The following PTPRQ variants were observed in gnomAD, a reference collection of about 807,000 sequenced individuals.
PTPRQ encodes the protein protein tyrosine phosphatase receptor type Q.
A neutral mutation model predicts 246.0 loss-of-function variants in PTPRQ; 199 were observed. That is an observed-to-expected ratio of 0.81 (90% CI 0.72 to 0.91). The LOEUF (loss-of-function observed/expected upper bound fraction) is 0.91, where lower values mean the gene tolerates loss of function less well. Ranked by LOEUF, PTPRQ falls within the 40% of genes least tolerant of loss-of-function variation. PTPRQ has a pLI of 0.00. For synonymous variants in PTPRQ, 869 were observed against 853.2 expected, an observed-to-expected ratio of 1.02 and a Z score of -0.32; for missense variants, 2,624 against 2,528.4, an observed-to-expected ratio of 1.04 and a Z score of -0.81.
chr12:80,471,155 A>G (rs765483453), intron 7 of PTPRQ, among the ~76,000 whole-genome samples: 2 of 152,094 alleles, frequency 1.3e-5, no homozygotes, highest in Non-Finnish European at 2.9e-5. Flanking sequence ...GTGGGCTTTT[A>G]TAAGGAGGGA....
chr12:80,649,700 A>G lies in PTPRQ; in HGVS notation c.6024+31A>G, dbSNP rs775077087. On this transcript the variant is annotated intron_variant, in intron 37 of 44. Coordinates refer to ENST00000644991, the MANE Select transcript of PTPRQ (RefSeq NM_001145026.2). ...TTACTAGCAGTTGTCACAACATTGC[A>G]AGACCTCCAGTCGTTTCATGTGTCA... 13 of 1,534,760 alleles carry G rather than the reference A, an allele frequency of 8.5e-6. No individual in the cohort carries two copies. In the South Asian group the frequency reaches 1.5e-4, roughly 18 times the overall value.
chr12:80,491,237 G>T (rs1894440123), intron 9 of PTPRQ, among the ~76,000 whole-genome samples: 1 of 151,906 alleles, frequency 6.6e-6, no homozygotes, highest in Non-Finnish European at 1.5e-5. Context: ...AGTTGAGGGG[G>T]AAATTCTTTG....
At chr12:80,499,474 G>A (rs1272081789) in intron 14 of PTPRQ, among the ~76,000 whole-genome samples, 1 of 151,914 alleles carries the variant, frequency 6.6e-6, no homozygotes, top group South Asian at 2.1e-4. Flanking sequence ...GTCATTTGAA[G>A]CAAGATGAGC....
intron 9 of PTPRQ, 149 bp from the exon 10 acceptor site, chr12:80,493,126 T>G (rs563550989): frequency 1.2e-6 from 1 of 825,454 alleles, no homozygotes; most frequent in African/African-American, 1.8e-5. Context: ...AATGAAATTT[T>G]GGAATCTAAA....
intron 33 of PTPRQ, among the ~76,000 whole-genome samples, chr12:80,623,704 G>C (rs1421816351): frequency 6.6e-6 from 1 of 152,156 alleles, no homozygotes; most frequent in Non-Finnish European, 1.5e-5. Context: ...AGCTAGCCTT[G>C]CTGTATTGTA....
chr12:80,485,830 A>T (rs1204245230), intron 9 of PTPRQ, among the ~76,000 whole-genome samples: 8 of 152,064 alleles, frequency 5.3e-5, no homozygotes, highest in Non-Finnish European at 7.4e-5. Context: ...ACATCTGTTG[A>T]ATGGGTGGCC....
At chr12:80,462,406 C>G (rs1282349725) in intron 6 of PTPRQ, 1 of 183,098 alleles carries the variant, frequency 5.5e-6, no homozygotes, top group African/African-American at 2.4e-5. Context: ...GGAGGCCTGC[C>G]TGCCTCTGTA....
At chr12:80,591,132 T>A (rs1295236242) in intron 26 of PTPRQ, among the ~76,000 whole-genome samples, 1 of 145,910 alleles carries the variant, frequency 6.9e-6, no homozygotes, top group East Asian at 2.0e-4. Flanking sequence ...TTTTTTTTTT[T>A]TTTTTTTTTT....
At chr12:80,547,507 A>G (rs1340097055) in intron 24 of PTPRQ, among the ~76,000 whole-genome samples, 2 of 152,130 alleles carry the variant, frequency 1.3e-5, no homozygotes, top group East Asian at 3.8e-4. Flanking sequence ...TGACTACTAA[A>G]TTAATCATTT....
At chr12:80,549,839 C>T (rs1485755100) in intron 25 of PTPRQ, 105 bp downstream of exon 25, 10 of 1,397,768 alleles carry the variant, frequency 7.2e-6, no homozygotes, top group Non-Finnish European at 8.5e-6. Flanking sequence ...ACATACAAAG[C>T]ACATATTAAA....
intron 17 of PTPRQ, among the ~76,000 whole-genome samples, chr12:80,520,621 T>C (rs1895449338): frequency 6.6e-6 from 1 of 151,612 alleles, no homozygotes; most frequent in African/African-American, 2.4e-5. Context: ...TTTGGTTTTT[T>C]GTCCTTGTGA....
rs1457144632 is a variant in PTPRQ, at chr12:80,670,407, G to T, written c.6517G>T (p.Glu2173Ter). 2 of 1,551,172 alleles carry T rather than the reference G, an allele frequency of 1.3e-6. No homozygotes were observed. The highest frequency in any genetic ancestry group is 1.7e-6 in the Non-Finnish European group (2 of 1,146,626). ...TGCCTGGCCAGAGCATGGGGTTCCT[G>T]AGAACAGCGCCCCTCTAATTCACTT... ...FTAWPEHGVP[E>*]NSAPLIHFVK... Residue 2173 changes from glutamate to a stop codon, truncating the protein, a stop_gained, in exon 42 of 45, where the codon GAG becomes TAG. Transcript: ENST00000644991. LOFTEE classifies it high-confidence loss of function.
intron 8 of PTPRQ, among the ~76,000 whole-genome samples, chr12:80,480,017 G>A (rs1375519487): frequency 2.6e-5 from 4 of 152,108 alleles, no homozygotes; most frequent in Non-Finnish European, 5.9e-5. Flanking sequence ...TCTGCACCAA[G>A]TGGACCTAAT....
rs563352926 is a variant in PTPRQ at position 80,493,571 on chromosome 12, C to T, written c.1540+116C>T. The T allele has an allele frequency of 4.4e-5, 60 of 1,349,710 alleles. No homozygotes were observed. In the African/African-American group the frequency reaches 6.3e-4, roughly 14 times the overall value. 83.6% of individuals were successfully genotyped at this position (1,349,710 alleles called of 1,614,324 possible). ...TTATTAATGGTCTTTGGGCTGGAGT[C>T]GGATTTTTTTTTAGCTGTCGGAAAA... On this transcript the variant is annotated intron_variant, in intron 10 of 44. Transcript: ENST00000644991.
intron 35 of PTPRQ, among the ~76,000 whole-genome samples, chr12:80,642,946 A>AAG (rs1491416505): frequency 2.0e-5 from 3 of 148,992 alleles, no homozygotes; most frequent in Non-Finnish European, 4.4e-5. Context: ...AAAAAAAAAA[A>AAG]CAATTGAGTA....
At chr12:80,541,271 G>A (rs557671175) in intron 20 of PTPRQ, among the ~76,000 whole-genome samples, 7 of 151,296 alleles carry the variant, frequency 4.6e-5, no homozygotes, top group Middle Eastern at 3.4e-3. Flanking sequence ...GCACACACAC[G>A]CACACACACA....
intron 17 of PTPRQ, among the ~76,000 whole-genome samples, chr12:80,529,314 C>T (rs1431394616): frequency 6.6e-6 from 1 of 152,048 alleles, no homozygotes; most frequent in East Asian, 1.9e-4. Flanking sequence ...GATTAATCTA[C>T]AACATTTAGA....
chr12:80,665,777 G>A (rs1900767513), intron 39 of PTPRQ, among the ~76,000 whole-genome samples: 1 of 151,860 alleles, frequency 6.6e-6, no homozygotes, highest in African/African-American at 2.4e-5. Flanking sequence ...TTAAAAATGG[G>A]CAAATGAGCT....
chr12:80,667,794 A>T (rs897611575), intron 39 of PTPRQ, among the ~76,000 whole-genome samples: 4 of 151,960 alleles, frequency 2.6e-5, no homozygotes, highest in African/African-American at 9.7e-5. Context: ...TTCTACATTA[A>T]CATATATTAT....
Sources: gnomAD v4.1 joint callset for allele counts (sites outside exome capture counted in the v4.1 genomes callset) on GRCh38, gnomAD v4.1.1 for gene constraint, MANE v1.5 for transcripts, NCBI Gene and HGNC (gene_info 2026-07-23, HGNC 2026-07-21) for gene names.